The following FGD2 variants were observed in gnomAD, a reference collection of about 807,000 sequenced individuals.
FGD2 encodes FYVE, RhoGEF and PH domain-containing protein 2.
In FGD2, 52 loss-of-function variants were observed where a neutral mutation model predicts 75.9. The ratio of observed to expected loss-of-function variants is 0.69; its 90% confidence interval spans 0.55 to 0.86. The LOEUF is 0.86. FGD2 is among the 40% of genes least tolerant of loss of function. The pLI is 0.00. For synonymous variants in FGD2, 347 were observed against 348.6 expected (o/e 1.00, Z 0.05); for missense variants, 790 against 872.0 (o/e 0.91, Z 1.18).
At chr6:37,017,801 C>T (rs1384370011) in intron 9 of FGD2, among the ~76,000 whole-genome samples, 1 of 150,302 alleles carries the variant, frequency 6.7e-6, no homozygotes, top group African/African-American at 2.4e-5. Context: ...AGCAAAAGAG[C>T]CCCACCCCTG....
rs1765033186 is a variant in FGD2, at chr6:37,011,963, T to C, written c.527+109T>C. On this transcript the variant is annotated intron_variant, in intron 4 of 15. Coordinates refer to ENST00000274963, the MANE Select transcript of FGD2 (RefSeq NM_173558.4). ...GCCTCCTAGGCCCAGGCCCTTATTGTGTGGCCATGCCTCCCTGGGGCTCGG... is the reference window on the plus strand; with the variant it reads ...GCCTCCTAGGCCCAGGCCCTTATTGCGTGGCCATGCCTCCCTGGGGCTCGG... 3 of 1,261,156 alleles carry C rather than the reference T, an allele frequency of 2.4e-6. No individual in the cohort carries two copies. The African/African-American group carries it at 4.5e-5, about 19-fold the overall frequency. The allele number at this position is 1,261,156 out of a possible 1,614,324, so 78.1% of individuals were successfully genotyped here. A position where few individuals can be genotyped will look rare whatever the true frequency, so the allele number is the denominator to read the frequency against.
chr6:37,006,892 G>T (rs9394395), intron 1 of FGD2, among the ~76,000 whole-genome samples: 31,606 of 152,100 alleles, frequency 0.21, 3,706 homozygotes, highest in East Asian at 0.53. Context: ...GAGCTGGGAT[G>T]CCTCTCGGTT....
At chr6:37,014,788 C>A in intron 7 of FGD2, 84 bp downstream of exon 7, 1 of 1,608,164 alleles carries the variant, frequency 6.2e-7, no homozygotes, top group Non-Finnish European at 8.5e-7. Context: ...TATCCCACTG[C>A]TGCCCTCACT....
In FGD2 at chr6:37,027,960, C is replaced by A. The variant is rs763014049; in HGVS notation, c.1765C>A (p.His589Asn). Residue 589 changes from histidine (H) to asparagine (N), a missense_variant, in exon 16 of 16, where the codon CAC (histidine) becomes AAC (asparagine). His to Asn is a moderately conservative substitution (Grantham distance 68). Transcript: ENST00000274963. ...CTCCTCCCCCCAGGACATGAGGGCT[C>A]ACACCTCCATCCCCCTGCTGGGCTA... ...VYAAPQDMRA[H>N]TSIPLLGYQV... The A allele has an allele frequency of 3.1e-6, 5 of 1,614,004 alleles. No homozygotes were observed. The Admixed American group carries it at 6.7e-5, about 22-fold the overall frequency.
intron 13 of FGD2, chr6:37,022,652 T>G: frequency 3.2e-6 from 1 of 315,864 alleles, no homozygotes. Context: ...CCTCTACCTG[T>G]CCCACCTCGG....
At chr6:37,015,665 G>A in intron 8 of FGD2, 103 bp from the exon 9 acceptor site, 1 of 1,013,218 alleles carries the variant, frequency 9.9e-7, no homozygotes, top group Non-Finnish European at 1.5e-6. Flanking sequence ...AGGGGAGCGG[G>A]TCCAGTGGTG....
Position 37,015,024 on chromosome 6 carries a change from C to T in FGD2, c.1015C>T (p.Arg339Cys), listed in dbSNP as rs769637078. ...ISFRRNDPME[R>C]YLFLFNNMLL... ...CTTCCGCCGCAACGACCCCATGGAG[C>T]GCTACCTTTTCTTGGTAAGAGGGTG... Residue 339 changes from arginine to cysteine, a missense_variant, in exon 8 of 16, where the codon CGC becomes TGC. Physicochemically the swap from Arg to Cys is radical, Grantham distance 180. Transcript: ENST00000274963. 4.3e-5 allele frequency: 69 copies of T among 1,613,438 alleles called. No homozygotes were observed. Among genetic ancestry groups the T allele is most frequent in the Non-Finnish European group, 5.1e-5 (60 of 1,179,700 alleles).
chr6:37,011,306 G>A, intron 3 of FGD2: 1 of 581,470 alleles, frequency 1.7e-6, no homozygotes, highest in East Asian at 2.9e-5. Flanking sequence ...GCCCTTGCTG[G>A]CCTACACGGT....
Position 37,028,447 on chromosome 6 carries a change from G to A in FGD2, c.*284G>A, listed in dbSNP as rs950444387. On this transcript the variant is annotated 3_prime_UTR_variant, in exon 16 of 16. Coordinates refer to ENST00000274963, the MANE Select transcript of FGD2 (RefSeq NM_173558.4). ...AACTGGGAAAGCCCCAGGTAACCCC[G>A]GACTGGTGGTCACCATAGTATGGTT... The A allele has an allele frequency of 4.0e-5, 17 of 428,428 alleles. No individual in the cohort carries two copies. The highest frequency in any genetic ancestry group is 6.7e-5 in the Non-Finnish European group (16 of 238,584). The allele number at this position is 428,428 out of a possible 1,614,324, so 26.5% of individuals were successfully genotyped here.
chr6:37,025,704 T>C (rs1765785466), intron 13 of FGD2, 88 bp from the exon 14 acceptor site: 2 of 1,462,616 alleles, frequency 1.4e-6, no homozygotes, highest in Non-Finnish European at 9.5e-7. Flanking sequence ...CCCTGGTTGC[T>C]CTCATGCCCC....
intron 3 of FGD2, chr6:37,011,398 G>T (rs1003871386): frequency 2.3e-5 from 13 of 554,274 alleles, no homozygotes; most frequent in African/African-American, 3.8e-5. Flanking sequence ...AGGCTAGAGG[G>T]TTATTCATCA....
intron 15 of FGD2, 147 bp downstream of exon 15, chr6:37,027,722 G>A: frequency 1.7e-6 from 2 of 1,173,460 alleles, no homozygotes; most frequent in Non-Finnish European, 2.4e-6. Flanking sequence ...GGAGTCTCAA[G>A]GTTGGTAGGT....
At chr6:37,025,595 A>G in intron 13 of FGD2, 197 bp from the exon 14 acceptor site, 1 of 602,192 alleles carries the variant, frequency 1.7e-6, no homozygotes, top group South Asian at 2.0e-5. Context: ...GAGCTCCCCC[A>G]TGTGTCGCAG....
At chr6:37,013,329 A>G (rs1487634774) in intron 4 of FGD2, 3 of 559,080 alleles carry the variant, frequency 5.4e-6, no homozygotes, top group Non-Finnish European at 8.0e-6. Flanking sequence ...TACATAATGA[A>G]GCACTGAGCA....
At chr6:37,027,675 A>T (rs769360383) in intron 15 of FGD2, 100 bp downstream of exon 15, 1 of 1,446,230 alleles carries the variant, frequency 6.9e-7, no homozygotes, top group African/African-American at 1.4e-5. Flanking sequence ...CATATGTCAG[A>T]TAGGGAAACT....
At chr6:37,009,173 G>A (rs1241774869) in intron 2 of FGD2, 108 bp downstream of exon 2, 5 of 1,075,080 alleles carry the variant, frequency 4.7e-6, no homozygotes, top group Non-Finnish European at 5.3e-6. Flanking sequence ...CCCAGGTGGG[G>A]GTATGGTGTG....
chr6:37,008,914 G>A lies in FGD2; in HGVS notation c.149G>A (p.Gly50Glu). ...GAGTGCAGGCCTCCCGAGTCCCCAG[G>A]ACCACGGGAGAAGACGAATGTCGGG... ...RPECRPPESPGPREKTNVGEA... is the reference protein window; with the variant it reads ...RPECRPPESPEPREKTNVGEA... The change falls in exon 2 of 16, where the codon GGA becomes GAA. Residue 50 changes from glycine (G) to glutamate (E), a missense_variant. Coordinates refer to ENST00000274963, the MANE Select transcript of FGD2 (RefSeq NM_173558.4). 1 of 1,614,222 alleles carries A rather than the reference G, an allele frequency of 6.2e-7. No individual in the cohort carries two copies. Among genetic ancestry groups the A allele is most frequent in the Non-Finnish European group, 8.5e-7 (1 of 1,180,036 alleles).
Position 37,013,974 on chromosome 6 carries a change from T to C in FGD2, c.697T>C (p.Ser233Pro). Residue 233 changes from serine (S) to proline (P), a missense_variant, in exon 6 of 16, where the codon TCG (serine) becomes CCG (proline). Ser to Pro is a moderately conservative substitution (Grantham distance 74, BLOSUM62 -1). Transcript: ENST00000274963. ...ATCCCTCCCCAAGAGCAGCGAGGCT[T>C]CGGGCAGCCTGACCCTGCAGCACCA... Reference protein sequence around the residue: ...VLTRIQSSEASGSLTLQHHML... With the variant: ...VLTRIQSSEAPGSLTLQHHML... The C allele has an allele frequency of 6.2e-7, 1 of 1,613,700 alleles. No homozygotes were observed. Among genetic ancestry groups the C allele is most frequent in the Non-Finnish European group, 8.5e-7 (1 of 1,179,766 alleles).
At chr6:37,017,857 G>A (rs1284875184) in intron 9 of FGD2, among the ~76,000 whole-genome samples, 1 of 152,218 alleles carries the variant, frequency 6.6e-6, no homozygotes, top group Admixed American at 6.5e-5. Context: ...CAGGGCCTGG[G>A]GGTGGGGTGC....
Sources: allele counts gnomAD v4.1 joint callset (sites outside exome capture counted in the v4.1 genomes callset), GRCh38; gene constraint gnomAD v4.1.1; transcripts MANE v1.5; gene names NCBI Gene and HGNC (gene_info 2026-07-23, HGNC 2026-07-21).